The following LMAN1 variants were observed in gnomAD, a reference collection of about 807,000 sequenced individuals.
LMAN1 encodes lectin, mannose binding 1, also known as protein ERGIC-53.
LMAN1 carries 32 observed loss-of-function variants against 67.8 expected under a neutral mutation model. The observed-to-expected ratio is 0.47, with a 90% CI of 0.36 to 0.63. The LOEUF (loss-of-function observed/expected upper bound fraction) is 0.63. Ranked by LOEUF, LMAN1 falls within the 30% of genes least tolerant of loss-of-function variation. The pLI is 0.00. For synonymous variants in LMAN1, 235 were observed against 219.3 expected (o/e 1.07, Z -0.63); for missense variants, 632 against 628.2 (o/e 1.01, Z -0.06).
At chr18:59,346,378 G>A (rs930084622) in intron 7 of LMAN1, among the ~76,000 whole-genome samples, 2 of 150,028 alleles carry the variant, frequency 1.3e-5, no homozygotes, top group Non-Finnish European at 1.5e-5. Flanking sequence ...CTGCTGCCAT[G>A]CCCAGCTAAT....
At position 59,355,428 on chromosome 18, in the gene LMAN1, T is replaced by G. The variant is rs201285283; in HGVS notation, c.370-8A>C. ...TTCTGCATACCAAATTGCCTGAAAA[T>G]ATGTAATAGGGAACAGTTAGAGGCT... On this transcript the variant is annotated splice_polypyrimidine_tract_variant and splice_region_variant and intron_variant, in intron 2 of 12. Coordinates refer to ENST00000251047, the MANE Select transcript of LMAN1 (RefSeq NM_005570.4). The G allele has an allele frequency of 6.2e-7, 1 of 1,614,002 alleles. No individual in the cohort carries two copies. Among genetic ancestry groups the G allele is most frequent in the East Asian group, 2.2e-5 (1 of 44,876 alleles).
At chr18:59,343,854 C>T (rs1221830984) in intron 8 of LMAN1, among the ~76,000 whole-genome samples, 4 of 151,830 alleles carry the variant, frequency 2.6e-5, no homozygotes, top group African/African-American at 9.7e-5. Flanking sequence ...ACACAATAAT[C>T]TAACCTACAG....
At chr18:59,349,070 C>G (rs373819267) in intron 6 of LMAN1, 43 bp downstream of exon 6, 1 of 1,611,334 alleles carries the variant, frequency 6.2e-7, no homozygotes, top group African/African-American at 1.3e-5. Flanking sequence ...CCCAATAAAA[C>G]ACACCTCACA....
At chr18:59,335,095 G>T (rs986011274) in intron 10 of LMAN1, among the ~76,000 whole-genome samples, 4 of 152,134 alleles carry the variant, frequency 2.6e-5, no homozygotes, top group Non-Finnish European at 2.9e-5. Context: ...AAGCACAAAA[G>T]AGTATCTAGA....
At chr18:59,336,954 C>A (rs1908165957) in intron 10 of LMAN1, among the ~76,000 whole-genome samples, 1 of 151,624 alleles carries the variant, frequency 6.6e-6, no homozygotes, top group Non-Finnish European at 1.5e-5. Flanking sequence ...AAACCACTTT[C>A]TTGTTACAGG....
At chr18:59,355,819 C>T (rs1908649586) in intron 1 of LMAN1, among the ~76,000 whole-genome samples, 161 bp from the exon 2 acceptor site, 1 of 152,084 alleles carries the variant, frequency 6.6e-6, no homozygotes, top group African/African-American at 2.4e-5. Context: ...AAGTTTAGGG[C>T]TAACACCTCC....
chr18:59,342,964 A>T (rs1199973756), intron 8 of LMAN1, among the ~76,000 whole-genome samples: 4 of 152,042 alleles, frequency 2.6e-5, no homozygotes, highest in African/African-American at 9.7e-5. Context: ...TTTCAAGATA[A>T]AAAATTAATG....
chr18:59,346,115 A>T (rs1290161772), intron 7 of LMAN1, 64 bp from the exon 8 acceptor site: 21 of 1,365,682 alleles, frequency 1.5e-5, no homozygotes, highest in Non-Finnish European at 2.1e-5. Context: ...ATATCTCTAT[A>T]CATGTTATTT....
intron 1 of LMAN1, 69 bp downstream of exon 1, chr18:59,358,962 C>A: frequency 6.7e-7 from 1 of 1,487,610 alleles, no homozygotes; most frequent in Non-Finnish European, 9.3e-7. Context: ...AGGGTAGCCG[C>A]GGATGAAAGG....
At chr18:59,347,127 A>T (rs986143103) in intron 7 of LMAN1, among the ~76,000 whole-genome samples, 19 of 151,660 alleles carry the variant, frequency 1.3e-4, no homozygotes, top group Non-Finnish European at 8.8e-5. Context: ...GCTACTCAGG[A>T]GGCTGAGGCA....
chr18:59,355,737 TACCTACA>T, intron 1 of LMAN1, 79 bp from the exon 2 acceptor site: 1 of 1,455,764 alleles, frequency 6.9e-7, no homozygotes, highest in Non-Finnish European at 9.5e-7. Flanking sequence ...CTGCTAAATA[TACCTACA>T]GAGACTTAGT....
At chr18:59,338,674 T>G (rs746880368) in intron 9 of LMAN1, 47 bp from the exon 10 acceptor site, 2 of 1,604,230 alleles carry the variant, frequency 1.2e-6, no homozygotes, top group South Asian at 2.2e-5. Flanking sequence ...CCACATTCTA[T>G]GAGCACATAG....
At chr18:59,344,989 C>T (rs78944609) in intron 8 of LMAN1, among the ~76,000 whole-genome samples, 201 of 152,136 alleles carry the variant, frequency 1.3e-3, no homozygotes, top group African/African-American at 4.3e-3. Context: ...GTGTACTGAT[C>T]GGGGTGATGG....
intron 8 of LMAN1, among the ~76,000 whole-genome samples, chr18:59,342,616 A>C (rs1308380579): frequency 6.6e-6 from 1 of 152,104 alleles, no homozygotes; most frequent in East Asian, 1.9e-4. Flanking sequence ...AAAATTCATC[A>C]TCCCTTCATG....
intron 10 of LMAN1, among the ~76,000 whole-genome samples, chr18:59,335,752 A>G (rs1297816041): frequency 6.6e-6 from 1 of 152,128 alleles, no homozygotes; most frequent in Non-Finnish European, 1.5e-5. Context: ...TGAAAAGAGT[A>G]GGGAAAAAGA....
intron 3 of LMAN1, among the ~76,000 whole-genome samples, chr18:59,354,952 T>A (rs933334085): frequency 6.6e-6 from 1 of 152,212 alleles, no homozygotes; most frequent in Non-Finnish European, 1.5e-5. Context: ...GCATTAGTCA[T>A]GGACTTGGAT....
rs148661829 is a variant in LMAN1 at position 59,344,072 on chromosome 18, A to G, written c.955+1847T>C. ...ACATCACTAATCATCAAAAAAATCC[A>G]AATTAAAACCACAATGAGATACTAT... On this transcript the variant is annotated intron_variant, in intron 8 of 12. Transcript: ENST00000251047. Among the ~76,000 whole-genome samples the G allele has an allele frequency of 1.2e-4, 18 of 152,328 alleles. No homozygotes were observed. In the East Asian group the frequency reaches 3.1e-3, roughly 26 times the overall value.
chr18:59,346,553 C>T lies in LMAN1; in HGVS notation c.823-502G>A, dbSNP rs1908413371. ...TTTTCTTTTTTGAGATGGACTCTTA[C>T]TTTGTTGCCCAGGCTGAAGTGCAGT... is the stretch of plus-strand genomic sequence containing the variant. On this transcript the variant is annotated intron_variant, in intron 7 of 12. Transcript: ENST00000251047. Among the ~76,000 whole-genome samples, 2 of 151,200 alleles carry T rather than the reference C, an allele frequency of 1.3e-5. 1 individual carries two copies. The highest frequency in any genetic ancestry group is 4.2e-4 in the South Asian group (2 of 4,774).
chr18:59,358,163 T>C (rs1241284185), intron 1 of LMAN1, among the ~76,000 whole-genome samples: 3 of 152,206 alleles, frequency 2.0e-5, no homozygotes, highest in South Asian at 2.1e-4. Context: ...AGTGCAGATA[T>C]GTTTTCTTTC....
Sources: allele counts gnomAD v4.1 joint callset (sites outside exome capture counted in the v4.1 genomes callset), GRCh38; gene constraint gnomAD v4.1.1; transcripts MANE v1.5; gene names NCBI Gene and HGNC (gene_info 2026-07-23, HGNC 2026-07-21).